Variants in SLC24A2 observed in about 807,000 individuals in gnomAD.
SLC24A2 encodes sodium/potassium/calcium exchanger 2.
Under a neutral mutation model 62.0 loss-of-function variants are expected in SLC24A2, and 36 were observed. That is an observed-to-expected ratio of 0.58 (90% CI 0.44 to 0.77). The LOEUF (loss-of-function observed/expected upper bound fraction) is 0.77. SLC24A2 is among the 30% of genes least tolerant of loss of function. The probability of loss-of-function intolerance (pLI) is 0.00; values close to 1 mark genes in which losing one functional copy is unlikely to be tolerated. For missense variants in SLC24A2, 846 were observed against 817.9 expected (o/e 1.03, Z -0.42); for synonymous variants, 358 against 294.0 (o/e 1.22, Z -2.23).
At chr9:20,246,710 G>C in the SLC24A2 span, among the ~76,000 whole-genome samples, 1 of 152,188 alleles carries the variant, frequency 6.6e-6, no homozygotes, top group Non-Finnish European at 1.5e-5. Context: ...CTGACATTTG[G>C]CCTGCCCTGG....
At chr9:19,977,425 G>T in the SLC24A2 span, among the ~76,000 whole-genome samples, 3 of 151,978 alleles carry the variant, frequency 2.0e-5, no homozygotes, top group East Asian at 1.9e-4. Flanking sequence ...ACCAGAGTGG[G>T]GTCTTGAGAT....
chr9:19,739,206 A>T (rs986896033), intron 2 of SLC24A2, among the ~76,000 whole-genome samples: 3 of 152,236 alleles, frequency 2.0e-5, no homozygotes, highest in Admixed American at 6.5e-5. Context: ...GAAAACAAAG[A>T]AGTCTAAATC....
At chr9:19,912,948 T>G in the SLC24A2 span, among the ~76,000 whole-genome samples, 225 of 152,242 alleles carry the variant, frequency 1.5e-3, no homozygotes, top group Non-Finnish European at 2.9e-3. Flanking sequence ...TTTGTAAAAA[T>G]TTAAATGAAC....
the SLC24A2 span, among the ~76,000 whole-genome samples, chr9:20,299,007 G>T: frequency 1.3e-5 from 2 of 152,150 alleles, no homozygotes; most frequent in Admixed American, 6.5e-5. Flanking sequence ...ATGGTTTGGG[G>T]GTCGGGATGT....
chr9:19,728,527 T>C (rs554679837), intron 2 of SLC24A2, among the ~76,000 whole-genome samples: 1 of 152,278 alleles, frequency 6.6e-6, no homozygotes, highest in African/African-American at 2.4e-5. Context: ...CTTTCTGCTT[T>C]GCTATAATGA....
rs1340250242 is a variant in SLC24A2, at chr9:19,599,256, G to A, written c.1079-1977C>T. 6.6e-6 allele frequency among the ~76,000 whole-genome samples: 1 copy of A among 152,282 alleles called. No individual in the cohort carries two copies. On this transcript the variant is annotated intron_variant, in intron 4 of 10. Transcript: ENST00000341998. The surrounding 1 kb of genome is among the most constrained non-coding windows in gnomAD (Gnocchi z 4.5). ...ATTGGAACTGTTCATATCGGACAAA[G>A]CTCACACATTCTCGACAACGTGGCA...
chr9:19,859,993 CA>C, the SLC24A2 span, among the ~76,000 whole-genome samples: 1 of 152,146 alleles, frequency 6.6e-6, no homozygotes, highest in Non-Finnish European at 1.5e-5. Flanking sequence ...TCTGGGTTAT[CA>C]AATAAACTTA....
intron 2 of SLC24A2, among the ~76,000 whole-genome samples, chr9:19,730,564 T>C (rs1430249327): frequency 6.6e-6 from 1 of 152,114 alleles, no homozygotes; most frequent in African/African-American, 2.4e-5. Flanking sequence ...AGTTTATACA[T>C]AGCAACATGA....
chr9:19,983,504 A>T, the SLC24A2 span, among the ~76,000 whole-genome samples: 1 of 151,986 alleles, frequency 6.6e-6, no homozygotes, highest in Non-Finnish European at 1.5e-5. Context: ...TTACCCGGGC[A>T]TGGTGGCATT....
chr9:19,873,921 G>A, the SLC24A2 span, among the ~76,000 whole-genome samples: 1 of 152,108 alleles, frequency 6.6e-6, no homozygotes, highest in South Asian at 2.1e-4. Flanking sequence ...CTGCTTTAAT[G>A]ATAATTTGTG....
chr9:20,211,071 T>C, the SLC24A2 span, among the ~76,000 whole-genome samples: 1 of 152,004 alleles, frequency 6.6e-6, no homozygotes, highest in East Asian at 1.9e-4. Flanking sequence ...ATTATTGCCA[T>C]TAAACATATA....
At chr9:19,714,568 C>A (rs2118614443) in intron 2 of SLC24A2, among the ~76,000 whole-genome samples, 1 of 152,336 alleles carries the variant, frequency 6.6e-6, no homozygotes, top group African/African-American at 2.4e-5. Flanking sequence ...ACATCACTTA[C>A]CTTTTCCCTT....
At chr9:19,636,319 C>CTTTTTTCT (rs1554690372) in intron 2 of SLC24A2, among the ~76,000 whole-genome samples, 2 of 43,486 alleles carry the variant, frequency 4.6e-5, no homozygotes, top group South Asian at 8.0e-4. Flanking sequence ...CTTTTCTTTT[C>CTTTTTTCT]TTTCTTTCTT....
chr9:20,052,126 G>A, the SLC24A2 span, among the ~76,000 whole-genome samples: 2 of 152,064 alleles, frequency 1.3e-5, no homozygotes, highest in Non-Finnish European at 1.5e-5. Flanking sequence ...TGTTGATGAT[G>A]CCCAAATTTA....
At chr9:19,861,364 G>C in the SLC24A2 span, among the ~76,000 whole-genome samples, 3 of 152,218 alleles carry the variant, frequency 2.0e-5, no homozygotes, top group Non-Finnish European at 4.4e-5. Context: ...AAGTCTGCAA[G>C]AACCACAGCA....
At chr9:19,849,882 G>A in the SLC24A2 span, among the ~76,000 whole-genome samples, 4 of 152,126 alleles carry the variant, frequency 2.6e-5, no homozygotes, top group Admixed American at 6.6e-5. Context: ...GATATAGAAA[G>A]TTCTTTAATG....
chr9:19,769,320 C>T (rs1822613925), intron 2 of SLC24A2, among the ~76,000 whole-genome samples: 1 of 152,216 alleles, frequency 6.6e-6, no homozygotes, highest in Admixed American at 6.5e-5. Flanking sequence ...ACTGCCTCTG[C>T]TGCCACCACC....
the SLC24A2 span, among the ~76,000 whole-genome samples, chr9:19,837,458 C>CAAAAAAAAAAAAAAAA: frequency 1.3e-4 from 3 of 22,348 alleles, 1 homozygote; most frequent in African/African-American, 2.5e-4. Context: ...GACTCCGTCT[C>CAAAAAAAAAAAAAAAA]AAAAAAAAAA....
intron 2 of SLC24A2, among the ~76,000 whole-genome samples, chr9:19,779,541 T>C (rs771704198): frequency 1.3e-4 from 19 of 151,792 alleles, no homozygotes; most frequent in Non-Finnish European, 2.4e-4. Flanking sequence ...TCTAAGTAAA[T>C]AAAAATCAGG....
Sources: gnomAD v4.1 joint callset for allele counts (sites outside exome capture counted in the v4.1 genomes callset) on GRCh38, gnomAD v4.1.1 for gene constraint, Gnocchi (gnomAD v3.1) non-coding constraint, MANE v1.5 for transcripts, NCBI Gene and HGNC (gene_info 2026-07-23, HGNC 2026-07-21) for gene names.